Variants in KYAT1 observed in about 807,000 individuals in gnomAD.
KYAT1 encodes kynurenine aminotransferase 1.
KYAT1 carries 47 observed loss-of-function variants against 52.4 expected under a neutral mutation model. The observed-to-expected ratio is 0.90, with a 90% confidence interval of 0.71 to 1.14. The LOEUF (loss-of-function observed/expected upper bound fraction) is 1.14. KYAT1 is among the 50% of genes most tolerant of loss of function. The probability of loss-of-function intolerance (pLI) is 0.00; values close to 1 mark genes in which losing one functional copy is unlikely to be tolerated. For synonymous variants in KYAT1, 212 were observed against 209.6 expected (o/e 1.01, Z -0.10); for missense variants, 480 against 557.9 (o/e 0.86, Z 1.41).
chr9:128,864,247 TC>T (rs1835867604), intron 1 of KYAT1, among the ~76,000 whole-genome samples: 1 of 150,910 alleles, frequency 6.6e-6, no homozygotes, highest in African/African-American at 2.4e-5. Flanking sequence ...GTGCCTATAG[TC>T]CCAGCTGCTT....
chr9:128,860,845 G>A (rs1835372481), intron 1 of KYAT1, among the ~76,000 whole-genome samples: 2 of 152,126 alleles, frequency 1.3e-5, no homozygotes, highest in South Asian at 4.1e-4. Context: ...TTACAGTTGT[G>A]AGCCACTGCC....
intron 1 of KYAT1, among the ~76,000 whole-genome samples, chr9:128,846,365 C>T (rs1833091912): frequency 1.3e-5 from 2 of 152,040 alleles, no homozygotes; most frequent in Admixed American, 1.3e-4. Context: ...GGGAGGCAGA[C>T]ATTGCAGTGA....
chr9:128,842,556 C>T, intron 3 of KYAT1, 98 bp downstream of exon 3: 1 of 1,222,228 alleles, frequency 8.2e-7, no homozygotes, highest in Non-Finnish European at 1.2e-6. Context: ...AATCCCCTGG[C>T]TCTGTCCCCT....
intron 1 of KYAT1, among the ~76,000 whole-genome samples, chr9:128,874,722 C>CCTT (rs749975485): frequency 4.0e-5 from 5 of 123,660 alleles, no homozygotes; most frequent in African/African-American, 1.2e-4. Context: ...ATAATCCTGC[C>CCTT]TTTTTTTTTT....
intron 1 of KYAT1, among the ~76,000 whole-genome samples, chr9:128,873,253 C>G (rs1488567891): frequency 6.7e-6 from 1 of 150,176 alleles, no homozygotes; most frequent in Admixed American, 6.6e-5. Flanking sequence ...CCTGTAGTCC[C>G]AGGACTTTGG....
chr9:128,853,874 C>G (rs77332479), intron 1 of KYAT1, among the ~76,000 whole-genome samples: 1 of 152,176 alleles, frequency 6.6e-6, no homozygotes, highest in African/African-American at 2.4e-5. Flanking sequence ...GTTTATGTCC[C>G]AATGCATTAT....
At chr9:128,847,421 T>A in intron 1 of KYAT1, 1 of 1,526,190 alleles carries the variant, frequency 6.6e-7, no homozygotes, top group Non-Finnish European at 8.8e-7. Flanking sequence ...GTATTGGGGT[T>A]AGGGCACTTA....
chr9:128,837,080 G>A (rs1316575631), intron 6 of KYAT1, among the ~76,000 whole-genome samples, 158 bp from the exon 7 acceptor site: 1 of 152,168 alleles, frequency 6.6e-6, no homozygotes, highest in African/African-American at 2.4e-5. Flanking sequence ...GAACACTGGA[G>A]GTCAGGAGTT....
intron 1 of KYAT1, 146 bp downstream of exon 1, chr9:128,881,751 C>G (rs1382293203): frequency 2.6e-5 from 4 of 152,190 alleles, no homozygotes; most frequent in African/African-American, 9.7e-5. Context: ...GCGGGCGGCT[C>G]AATCATTCTG....
At chr9:128,841,200 T>C (rs1326904105) in intron 3 of KYAT1, among the ~76,000 whole-genome samples, 5 of 150,428 alleles carry the variant, frequency 3.3e-5, no homozygotes, top group African/African-American at 1.2e-4. Context: ...TGAAACCCAG[T>C]ATCCACTAAA....
In KYAT1 at chr9:128,833,171, CA is replaced by C. The variant is rs2118852142; in HGVS notation, c.*412del. 4.5e-6 allele frequency: 1 copy of C among 223,240 alleles called. No homozygotes were observed. The highest frequency in any genetic ancestry group is 2.3e-5 in the African/African-American group (1 of 43,978). 13.8% of individuals were successfully genotyped at this position (223,240 alleles called of 1,614,324 possible). On this transcript the variant is annotated 3_prime_UTR_variant, in exon 13 of 13. Transcript: ENST00000302586. ...GACGAAAAGGAGAGGCTTGAGGACT[CA>C]AGCCTAAAGGCAACTCCCCAAGGCC...
intron 1 of KYAT1, among the ~76,000 whole-genome samples, chr9:128,870,650 A>C (rs1837096860): frequency 6.6e-6 from 1 of 152,134 alleles, no homozygotes. Context: ...CAAACAAACA[A>C]AACACACTAA....
chr9:128,835,803 G>A lies in KYAT1; in HGVS notation c.831C>T (p.Val277=), dbSNP rs946290214. 5 of 1,613,402 alleles carry A rather than the reference G, an allele frequency of 3.1e-6. No homozygotes were observed. The South Asian group carries it at 5.5e-5, about 18-fold the overall frequency. Residue 277 remains valine, a synonymous_variant, in exon 9 of 13, where the codon GTC becomes GTT. Coordinates refer to ENST00000302586, the MANE Select transcript of KYAT1 (RefSeq NM_004059.5). The part of the protein sequence containing the change: ...KHLRTVHQNS[V]FHCPTQSQAA... ...CCTGGCTCTGCGTGGGGCAGTGGAA[G>A]ACGGAGTTCTGGTGCACGGTCCGCA...
At chr9:128,879,980 A>C (rs965781327) in intron 1 of KYAT1, among the ~76,000 whole-genome samples, 1 of 152,142 alleles carries the variant, frequency 6.6e-6, no homozygotes, top group African/African-American at 2.4e-5. Context: ...GGAGCCCAGC[A>C]GCCTTCCTAG....
chr9:128,870,783 A>G (rs1837111853), intron 1 of KYAT1, among the ~76,000 whole-genome samples: 1 of 152,176 alleles, frequency 6.6e-6, no homozygotes, highest in South Asian at 2.1e-4. Flanking sequence ...GGAGGAGGTA[A>G]TGGGGAGTGA....
At chr9:128,862,258 G>T (rs1252037224) in intron 1 of KYAT1, among the ~76,000 whole-genome samples, 1 of 152,140 alleles carries the variant, frequency 6.6e-6, no homozygotes, top group South Asian at 2.1e-4. Flanking sequence ...CTGCCGCAGC[G>T]TCCCAGTGCT....
intron 5 of KYAT1, 52 bp downstream of exon 5, chr9:128,837,999 A>C (rs1173609589): frequency 1.3e-6 from 2 of 1,577,008 alleles, no homozygotes; most frequent in African/African-American, 2.7e-5. Context: ...GGTCCAACTC[A>C]GCCCACGCCT....
In KYAT1 at chr9:128,846,746, G is replaced by C. The variant is rs771510519; in HGVS notation, c.-6-1335C>G. 2.0e-6 allele frequency: 3 copies of C among 1,535,416 alleles called. No homozygotes were observed. The African/African-American group carries it at 4.1e-5, about 21-fold the overall frequency. ...TCCTCAGAATCCCTTCAGCAGCAGG[G>C]ACCTCACATGGGCTTTGTGGTCCCT... On this transcript the variant is annotated intron_variant, in intron 1 of 12. Coordinates refer to ENST00000302586, the MANE Select transcript of KYAT1 (RefSeq NM_004059.5).
At chr9:128,862,619 G>A (rs544320248) in intron 1 of KYAT1, among the ~76,000 whole-genome samples, 479 of 152,318 alleles carry the variant, frequency 3.1e-3, no homozygotes, top group Non-Finnish European at 5.5e-3. Context: ...CAGGAAAGGC[G>A]GTGCCTTCTG....
Sources: gnomAD v4.1 joint callset for allele counts (sites outside exome capture counted in the v4.1 genomes callset) on GRCh38, gnomAD v4.1.1 for gene constraint, MANE v1.5 for transcripts, NCBI Gene and HGNC (gene_info 2026-07-23, HGNC 2026-07-21) for gene names.